Variants in STARD8 observed in about 807,000 individuals in gnomAD.
The protein encoded by STARD8 is StAR related lipid transfer domain containing 8, also known as stAR-related lipid transfer protein 8.
STARD8 carries 25 observed loss-of-function variants against 69.4 expected under a neutral mutation model. That is an observed-to-expected ratio of 0.36 (90% confidence interval 0.26 to 0.50). The LOEUF (loss-of-function observed/expected upper bound fraction) is 0.50, where lower values mean the gene tolerates loss of function less well. Ranked by LOEUF, STARD8 falls within the 20% of genes least tolerant of loss-of-function variation. The pLI, the probability that STARD8 is intolerant of heterozygous loss-of-function variation, is 0.96. For missense variants in STARD8, 921 were observed against 932.5 expected, an observed-to-expected ratio of 0.99 and a Z score of 0.16; for synonymous variants, 389 against 374.6, an observed-to-expected ratio of 1.04 and a Z score of -0.45.
chrX:68,709,142 A>C (rs2080030750), intron 2 of STARD8, among the ~76,000 whole-genome samples: 1 of 112,556 alleles, frequency 8.9e-6, no homozygotes, highest in Non-Finnish European at 1.9e-5. Context: ...AATGTCCCTG[A>C]CATCCTGTTT....
Position 68,723,717 on chromosome X carries a change from G to C in STARD8, c.2891G>C (p.Arg964Pro), listed in dbSNP as rs779351842. Residue 964 changes from arginine (R) to proline (P), a missense_variant, in exon 13 of 15, where the codon CGG (arginine) becomes CCG (proline). Arg to Pro is a moderately radical substitution (Grantham distance 103). Transcript: ENST00000374599. ...AVVLHRVLRE[R>P]ALWDEDLLRA... Reference sequence around the variant, plus strand: ...GTGCTGCATCGTGTTCTCCGGGAGCGGGCCCTCTGGGATGAGGATCTGCTG... The same window carrying C: ...GTGCTGCATCGTGTTCTCCGGGAGCCGGCCCTCTGGGATGAGGATCTGCTG... 8.4e-7 allele frequency: 1 copy of C among 1,189,890 alleles called. No individual in the cohort carries two copies. The highest frequency in any genetic ancestry group is 2.3e-5 in the Admixed American group (1 of 43,252).
chrX:68,684,123 A>G (rs763758399), intron 2 of STARD8, among the ~76,000 whole-genome samples: 21 of 112,813 alleles, frequency 1.9e-4, no homozygotes, highest in South Asian at 3.7e-4. Flanking sequence ...CTCCTCTCAC[A>G]GCACCATTGT....
chrX:68,704,933 T>C (rs1348914971), intron 2 of STARD8, among the ~76,000 whole-genome samples: 2 of 111,917 alleles, frequency 1.8e-5, no homozygotes, highest in Admixed American at 9.4e-5. Context: ...CAGAAGGTAG[T>C]TCACCTGACC....
intron 2 of STARD8, among the ~76,000 whole-genome samples, chrX:68,690,154 C>T (rs889764746): frequency 1.8e-5 from 2 of 110,236 alleles, no homozygotes; most frequent in African/African-American, 3.3e-5. Flanking sequence ...CGGGAATGTG[C>T]GTACAAGTGT....
At chrX:68,715,230 G>T in intron 3 of STARD8, 64 bp from the exon 4 acceptor site, 1 of 1,019,025 alleles carries the variant, frequency 9.8e-7, no homozygotes, top group East Asian at 3.3e-5. Flanking sequence ...TCCAGCCCAA[G>T]GGCTGCTGAG....
chrX:68,648,121 C>T, intron 1 of STARD8, among the ~76,000 whole-genome samples, 194 bp downstream of exon 1: 1 of 112,449 alleles, frequency 8.9e-6, no homozygotes, highest in East Asian at 2.8e-4. Context: ...GTTGCATTCC[C>T]ATACAAACAA....
chrX:68,684,607 C>G (rs1339732436), intron 2 of STARD8, among the ~76,000 whole-genome samples: 1 of 112,490 alleles, frequency 8.9e-6, no homozygotes, highest in African/African-American at 3.2e-5. Context: ...AGGGACTACT[C>G]GAAACTCAGG....
At chrX:68,661,917 CCTTCCT>C in intron 1 of STARD8, among the ~76,000 whole-genome samples, 1 of 99,760 alleles carries the variant, frequency 1.0e-5, no homozygotes, top group South Asian at 5.2e-4. Flanking sequence ...TTCCTTCCTT[CCTTCCT>C]TCCTTCCCTC....
At chrX:68,658,553 T>G (rs1185521263) in intron 1 of STARD8, among the ~76,000 whole-genome samples, 2 of 112,052 alleles carry the variant, frequency 1.8e-5, no homozygotes, top group East Asian at 5.6e-4. Flanking sequence ...TGATTTCCAC[T>G]AAAGTCCCTC....
intron 1 of STARD8, among the ~76,000 whole-genome samples, chrX:68,655,841 A>C (rs1456471647): frequency 4.5e-5 from 5 of 111,977 alleles, no homozygotes; most frequent in Non-Finnish European, 9.4e-5. Flanking sequence ...TCAGTGGATA[A>C]GACTTAATGG....
intron 1 of STARD8, among the ~76,000 whole-genome samples, chrX:68,650,273 G>T (rs1320870856): frequency 9.2e-6 from 1 of 108,218 alleles, no homozygotes; most frequent in Non-Finnish European, 1.9e-5. Flanking sequence ...AAAAAAATTT[G>T]CTGGGCACGG....
intron 2 of STARD8, among the ~76,000 whole-genome samples, chrX:68,692,958 C>T (rs1388911006): frequency 1.8e-5 from 2 of 113,033 alleles, no homozygotes; most frequent in Non-Finnish European, 3.7e-5. Context: ...TTGTGTTGGA[C>T]CCTTGTGATG....
chrX:68,711,264 G>A (rs895019720), intron 2 of STARD8, among the ~76,000 whole-genome samples: 3 of 107,831 alleles, frequency 2.8e-5, no homozygotes, highest in African/African-American at 6.9e-5. Flanking sequence ...AGAAAGAGAC[G>A]AGAGAGAGAG....
intron 2 of STARD8, among the ~76,000 whole-genome samples, chrX:68,707,810 G>A (rs146737027): frequency 0.034 from 3,768 of 111,403 alleles, 154 homozygotes; most frequent in African/African-American, 0.12. Flanking sequence ...ACCCAGGACC[G>A]GGCAGCTCTC....
intron 4 of STARD8, 32 bp from the exon 5 acceptor site, chrX:68,716,336 A>G (rs879215438): frequency 8.4e-7 from 1 of 1,195,985 alleles, no homozygotes; most frequent in South Asian, 1.8e-5. Flanking sequence ...GGGGATGGGG[A>G]CCCTTGGTTG....
At chrX:68,668,103 T>TTCTTTCTTTCTG (rs1366782072) in intron 2 of STARD8, among the ~76,000 whole-genome samples, 4 of 101,843 alleles carry the variant, frequency 3.9e-5, no homozygotes, top group African/African-American at 1.1e-4. Context: ...CTTTCTTTCT[T>TTCTTTCTTTCTG]TCTTTCTTTC....
intron 1 of STARD8, among the ~76,000 whole-genome samples, chrX:68,655,896 A>G (rs184969281): frequency 1.1e-4 from 12 of 111,978 alleles, no homozygotes; most frequent in Non-Finnish European, 2.1e-4. Flanking sequence ...TACAAGGTAG[A>G]TGCTCCATTG....
At chrX:68,702,254 TTCA>T (rs1220871456) in intron 2 of STARD8, among the ~76,000 whole-genome samples, 1 of 111,910 alleles carries the variant, frequency 8.9e-6, no homozygotes, top group Non-Finnish European at 1.9e-5. Context: ...GTTGAATAAA[TTCA>T]CAGTCCATGG....
At chrX:68,710,790 C>T (rs1462550643) in intron 2 of STARD8, among the ~76,000 whole-genome samples, 2 of 112,409 alleles carry the variant, frequency 1.8e-5, no homozygotes, top group Non-Finnish European at 3.8e-5. Flanking sequence ...TCTGCTCCTG[C>T]GCCTGCCTCT....
Sources: gnomAD v4.1 joint callset for allele counts (sites outside exome capture counted in the v4.1 genomes callset) on GRCh38, gnomAD v4.1.1 for gene constraint, MANE v1.5 for transcripts, NCBI Gene and HGNC (gene_info 2026-07-23, HGNC 2026-07-21) for gene names.